The following TLN2 variants were observed in gnomAD, a reference collection of about 807,000 sequenced individuals.
TLN2 encodes talin-2.
In TLN2, 118 loss-of-function variants were observed where a neutral mutation model predicts 294.7. The observed-to-expected ratio is 0.40, with a 90% confidence interval of 0.34 to 0.47. The LOEUF (loss-of-function observed/expected upper bound fraction) is 0.47, where lower values mean the gene tolerates loss of function less well. Ranked by LOEUF, TLN2 falls within the 20% of genes least tolerant of loss-of-function variation. TLN2 has a pLI of 0.84. For synonymous variants in TLN2, 1,431 were observed against 1,304.5 expected, an observed-to-expected ratio of 1.10 and a Z score of -2.09; for missense variants, 3,083 against 3,282.2, an observed-to-expected ratio of 0.94 and a Z score of 1.48.
intron 41 of TLN2, among the ~76,000 whole-genome samples, chr15:62,769,273 T>C (rs966449471): frequency 1.3e-5 from 2 of 152,230 alleles, no homozygotes; most frequent in African/African-American, 4.8e-5. Flanking sequence ...TCCGTTCCCT[T>C]TGGTGGTGAC....
chr15:62,468,292 C>T (rs2037256125), intron 1 of TLN2, among the ~76,000 whole-genome samples: 3 of 152,036 alleles, frequency 2.0e-5, no homozygotes, highest in Admixed American at 6.6e-5. Context: ...CTTTGAAATG[C>T]CTGCAACAGA....
intron 2 of TLN2, among the ~76,000 whole-genome samples, chr15:62,608,523 A>G (rs962308824): frequency 6.6e-6 from 1 of 152,154 alleles, no homozygotes; most frequent in African/African-American, 2.4e-5. Flanking sequence ...GTAGGAGGAA[A>G]GCACAGGTTT....
At chr15:62,650,771 T>C (rs1422494327) in intron 5 of TLN2, among the ~76,000 whole-genome samples, 3 of 152,210 alleles carry the variant, frequency 2.0e-5, no homozygotes, top group African/African-American at 7.2e-5. Context: ...TTGATGGGTA[T>C]TCCATAAAGT....
intron 2 of TLN2, among the ~76,000 whole-genome samples, chr15:62,610,841 C>T (rs1230002932): frequency 2.6e-5 from 4 of 152,216 alleles, no homozygotes; most frequent in Non-Finnish European, 5.9e-5. Flanking sequence ...TGAGGATCAC[C>T]TGTGTATCTC....
intron 16 of TLN2, 26 bp from the exon 17 acceptor site, chr15:62,701,080 T>C: frequency 6.3e-7 from 1 of 1,595,934 alleles, no homozygotes; most frequent in Non-Finnish European, 8.6e-7. Context: ...GCTGTGATTG[T>C]GTTGTGCCGT....
rs139325348 is a variant in TLN2, at chr15:62,833,589, C to T, written c.7088C>T (p.Ser2363Leu). The T allele has an allele frequency of 1.7e-5, 27 of 1,614,044 alleles. No individual in the cohort carries two copies. Among genetic ancestry groups the T allele is most frequent in the East Asian group, 2.2e-5 (1 of 44,896 alleles). The change falls in exon 55 of 59, where the codon TCG (serine) becomes TTG (leucine). Residue 2363 changes from serine to leucine, a missense_variant. By Grantham distance (145) the Ser-to-Leu change is moderately radical. Coordinates refer to ENST00000636159, the MANE Select transcript of TLN2 (RefSeq NM_015059.3). ...GCTGCCACAAGCGCCCTGGTCAAAT[C>T]GGCCTCAGCAGCCCAGAGGGAGCTG... ...IAAATSALVK[S>L]ASAAQRELVA...
Position 62,582,770 on chromosome 15 carries a change from A to G in TLN2, c.-237-6917A>G, listed in dbSNP as rs187416406. 1.3e-3 allele frequency among the ~76,000 whole-genome samples: 203 copies of G among 152,252 alleles called. 1 individual carries two copies. Among genetic ancestry groups the G allele is most frequent in the Admixed American group, 4.2e-3 (64 of 15,296 alleles). On this transcript the variant is annotated intron_variant, in intron 1 of 58. Coordinates refer to ENST00000636159, the MANE Select transcript of TLN2 (RefSeq NM_015059.3). ...GAGTTTGTAGGGACTGGTCCCAGTGACTGTGTTACCTGATTTAACCTGTTG... is the reference window on the plus strand; with the variant it reads ...GAGTTTGTAGGGACTGGTCCCAGTGGCTGTGTTACCTGATTTAACCTGTTG...
At chr15:62,768,046 C>A (rs1213629672) in intron 41 of TLN2, among the ~76,000 whole-genome samples, 2 of 152,170 alleles carry the variant, frequency 1.3e-5, no homozygotes, top group Non-Finnish European at 2.9e-5. Context: ...AGTCGGTGCG[C>A]CCTCTATCCA....
chr15:62,801,062 C>T (rs1459187583), intron 50 of TLN2, among the ~76,000 whole-genome samples: 1 of 152,172 alleles, frequency 6.6e-6, no homozygotes, highest in Non-Finnish European at 1.5e-5. Flanking sequence ...TCAAAGATTC[C>T]TGGAAAAAGG....
rs1026165434 is a variant in TLN2, at chr15:62,474,485, T to C, written c.-238+83800T>C. On this transcript the variant is annotated intron_variant, in intron 1 of 58. Coordinates refer to ENST00000636159, the MANE Select transcript of TLN2 (RefSeq NM_015059.3). Reference sequence around the variant, plus strand: ...CCTGTCTCTACAAAAAATAAAATAATAAAATAATTAGCCAGGTGTGGCAGT... The same window carrying C: ...CCTGTCTCTACAAAAAATAAAATAACAAAATAATTAGCCAGGTGTGGCAGT... 2.0e-5 allele frequency among the ~76,000 whole-genome samples: 3 copies of C among 151,726 alleles called. No individual in the cohort carries two copies. In the South Asian group the frequency reaches 6.3e-4, roughly 32 times the overall value.
intron 3 of TLN2, chr15:62,638,239 C>T (rs2050607255): frequency 3.1e-6 from 1 of 320,970 alleles, no homozygotes; most frequent in Admixed American, 4.3e-5. Context: ...TGCACTACCC[C>T]TTCCTCAGCA....
At chr15:62,628,775 T>TGAA (rs2049513393) in intron 3 of TLN2, among the ~76,000 whole-genome samples, 1 of 152,254 alleles carries the variant, frequency 6.6e-6, no homozygotes, top group Non-Finnish European at 1.5e-5. Context: ...CCCTGTACCT[T>TGAA]CTTCCACTCT....
intron 30 of TLN2, 113 bp from the exon 31 acceptor site, chr15:62,739,235 G>T: frequency 1.6e-6 from 2 of 1,212,860 alleles, no homozygotes; most frequent in Non-Finnish European, 2.3e-6. Flanking sequence ...CCTTTTAATC[G>T]TGATGACTCA....
At chr15:62,684,759 A>T (rs2057145538) in intron 11 of TLN2, among the ~76,000 whole-genome samples, 1 of 151,934 alleles carries the variant, frequency 6.6e-6, no homozygotes, top group African/African-American at 2.4e-5. Context: ...TGTTCAAATT[A>T]TGGCTTTACC....
At position 62,577,770 on chromosome 15, in the gene TLN2, T is replaced by G. The variant is rs1032050900; in HGVS notation, c.-237-11917T>G. ...CAGATTTGTTACATAGGTATACATGTGCCATGTTGGTTTGCTGCACCCATC... is the reference window on the plus strand; with the variant it reads ...CAGATTTGTTACATAGGTATACATGGGCCATGTTGGTTTGCTGCACCCATC... On this transcript the variant is annotated intron_variant, in intron 1 of 58. Transcript: ENST00000636159. 4.6e-5 allele frequency among the ~76,000 whole-genome samples: 7 copies of G among 152,326 alleles called. No homozygotes were observed. In the East Asian group the frequency reaches 1.4e-3, roughly 29 times the overall value.
At chr15:62,806,157 C>T (rs2066264994) in intron 51 of TLN2, among the ~76,000 whole-genome samples, 1 of 151,960 alleles carries the variant, frequency 6.6e-6, no homozygotes, top group South Asian at 2.1e-4. Context: ...GATTATGCTG[C>T]ACTCCAGCCT....
intron 28 of TLN2, among the ~76,000 whole-genome samples, chr15:62,733,499 C>T (rs2060840824): frequency 6.6e-6 from 1 of 152,154 alleles, no homozygotes; most frequent in African/African-American, 2.4e-5. Context: ...CCAATGCAGT[C>T]TTCAAAATAT....
intron 5 of TLN2, 144 bp from the exon 6 acceptor site, chr15:62,651,861 A>G (rs1475648919): frequency 9.7e-7 from 1 of 1,028,606 alleles, no homozygotes; most frequent in Non-Finnish European, 1.3e-6. Context: ...AAAACTTTGA[A>G]AGGTTTTCAA....
intron 32 of TLN2, among the ~76,000 whole-genome samples, chr15:62,741,746 C>CGT (rs1555495614): frequency 0.021 from 23 of 1,086 alleles, no homozygotes; most frequent in East Asian, 0.1. Flanking sequence ...TTAAAATTTG[C>CGT]GCGTGTGTGT....
Sources: gnomAD v4.1 joint callset for allele counts (sites outside exome capture counted in the v4.1 genomes callset) on GRCh38, gnomAD v4.1.1 for gene constraint, MANE v1.5 for transcripts, NCBI Gene and HGNC (gene_info 2026-07-23, HGNC 2026-07-21) for gene names.